The following LMO7 variants were observed in gnomAD, a reference collection of about 807,000 sequenced individuals.
The protein encoded by LMO7 is LIM domain only protein 7.
In LMO7, 120 loss-of-function variants were observed where a neutral mutation model predicts 206.5. The observed-to-expected ratio is 0.58, with a 90% CI of 0.50 to 0.68. The LOEUF is 0.68. LMO7 is among the 30% of genes least tolerant of loss of function. LMO7 has a pLI of 0.00. For missense variants in LMO7, 1,959 were observed against 1,957.9 expected, an observed-to-expected ratio of 1.00 and a Z score of -0.01; for synonymous variants, 706 against 681.5, an observed-to-expected ratio of 1.04 and a Z score of -0.56.
At chr13:75,857,658 T>C (rs2061075118) in intron 30 of LMO7, 1 of 299,580 alleles carries the variant, frequency 3.3e-6, no homozygotes, top group East Asian at 5.5e-5. Flanking sequence ...CCATGCCTTT[T>C]CTCTCCTCCA....
intron 15 of LMO7, among the ~76,000 whole-genome samples, chr13:75,830,695 G>C (rs1163173394): frequency 6.6e-6 from 1 of 152,096 alleles, no homozygotes; most frequent in Non-Finnish European, 1.5e-5. Context: ...TATTTCTGAG[G>C]TAAGTACAGT....
intron 3 of LMO7, among the ~76,000 whole-genome samples, chr13:75,732,742 A>G (rs1337678831): frequency 6.6e-6 from 1 of 151,702 alleles, no homozygotes; most frequent in Non-Finnish European, 1.5e-5. Context: ...TTTTTTCCCC[A>G]TCTTTGTGGT....
At chr13:75,622,524 C>G (rs148456218) in intron 1 of LMO7, among the ~76,000 whole-genome samples, 1 of 152,242 alleles carries the variant, frequency 6.6e-6, no homozygotes, top group East Asian at 1.9e-4. Flanking sequence ...TAAGTACTAC[C>G]TTCATAATTA....
chr13:75,838,300 C>G (rs2059297495), intron 20 of LMO7, 104 bp downstream of exon 20: 1 of 1,547,264 alleles, frequency 6.5e-7, no homozygotes, highest in Non-Finnish European at 8.8e-7. Context: ...TTCAATTTGT[C>G]TGTCATTATG....
At chr13:75,689,152 A>G (rs1184981921) in intron 1 of LMO7, 7 of 152,166 alleles carry the variant, frequency 4.6e-5, no homozygotes, top group Admixed American at 4.6e-4. Flanking sequence ...TTCAGAATTC[A>G]TTACATCACT....
At position 75,760,356 on chromosome 13, in the gene LMO7, G is replaced by A. The variant is rs1021345706; in HGVS notation, c.211-576G>A. 9.1e-5 allele frequency: 92 copies of A among 1,006,464 alleles called. No homozygotes were observed. In the African/African-American group the frequency reaches 1.4e-3, roughly 15 times the overall value. 62.3% of individuals were successfully genotyped at this position (1,006,464 alleles called of 1,614,324 possible). A position where few individuals can be genotyped will look rare whatever the true frequency, so the allele number is the denominator to read the frequency against. On this transcript the variant is annotated intron_variant, in intron 3 of 30. Transcript: ENST00000377534. Reference sequence around the variant, plus strand: ...TATGCAATTTAGCCAATGAACACTAGGTTTCTCCTCAGTCCTATAGTATGG... The same window carrying A: ...TATGCAATTTAGCCAATGAACACTAAGTTTCTCCTCAGTCCTATAGTATGG...
chr13:75,709,067 G>T lies in LMO7; in HGVS notation c.70-4115G>T, dbSNP rs542022991. ...GCGGTGTTTGGTTTTTTGTCCTTGC[G>T]ATAGTTTGCTGAGAATGATGGTTTC... On this transcript the variant is annotated intron_variant, in intron 1 of 30. Coordinates refer to ENST00000377534, the MANE Select transcript of LMO7 (RefSeq NM_001306080.2). Among the ~76,000 whole-genome samples, 104 of 152,102 alleles carry T rather than the reference G, an allele frequency of 6.8e-4. 3 individuals are homozygous for T. Among genetic ancestry groups the T allele is most frequent in the South Asian group, 8.3e-4 (4 of 4,820 alleles).
chr13:75,636,758 G>C, intron 1 of LMO7, 32 bp downstream of exon 1: 1 of 1,584,382 alleles, frequency 6.3e-7, no homozygotes. Flanking sequence ...CCCTTCCGCA[G>C]GTGTTGACTG....
chr13:75,834,477 A>C, intron 17 of LMO7, 90 bp downstream of exon 17: 1 of 988,704 alleles, frequency 1.0e-6, no homozygotes, highest in South Asian at 2.1e-5. Context: ...ATAACTTTTT[A>C]TTTTTTCACT....
chr13:75,692,534 C>T (rs969604883), intron 1 of LMO7, among the ~76,000 whole-genome samples: 3 of 152,148 alleles, frequency 2.0e-5, no homozygotes, highest in African/African-American at 7.2e-5. Context: ...CACAGGCGCA[C>T]ACCACCATGC....
intron 12 of LMO7, 127 bp from the exon 13 acceptor site, chr13:75,819,266 G>A (rs1566537370): frequency 1.7e-6 from 2 of 1,157,578 alleles, no homozygotes; most frequent in Admixed American, 2.8e-5. Context: ...GCAAAATTAG[G>A]GCACCTTGGC....
intron 1 of LMO7, among the ~76,000 whole-genome samples, chr13:75,711,828 T>C (rs2043153428): frequency 6.6e-6 from 1 of 152,216 alleles, no homozygotes; most frequent in Non-Finnish European, 1.5e-5. Context: ...TGTTTTTTCT[T>C]TCGGTAAATT....
At position 75,639,016 on chromosome 13, in the gene LMO7, A is replaced by G. The variant is rs573295860; in HGVS notation, c.69+2290A>G. Among the ~76,000 whole-genome samples the G allele has an allele frequency of 5.9e-5, 9 of 152,246 alleles. No individual in the cohort carries two copies. In the South Asian group the frequency reaches 1.7e-3, roughly 28 times the overall value. On this transcript the variant is annotated intron_variant, in intron 1 of 30. Coordinates refer to ENST00000377534, the MANE Select transcript of LMO7 (RefSeq NM_001306080.2). ...TGTACATATATACATATGTATTATA[A>G]TATATGTTCTATCTGTATTACATAT...
chr13:75,794,807 T>C (rs1241555342), intron 4 of LMO7, among the ~76,000 whole-genome samples: 1 of 152,196 alleles, frequency 6.6e-6, no homozygotes, highest in Non-Finnish European at 1.5e-5. Context: ...ATGATTCTTA[T>C]AATACAGTGA....
At chr13:75,789,668 G>T (rs147474178) in intron 4 of LMO7, among the ~76,000 whole-genome samples, 2 of 152,126 alleles carry the variant, frequency 1.3e-5, no homozygotes, top group African/African-American at 2.4e-5. Context: ...GGGCCCACAC[G>T]CAGACTCCTT....
chr13:75,808,957 T>C (rs1045758147), intron 10 of LMO7, among the ~76,000 whole-genome samples, 197 bp from the exon 11 acceptor site: 4 of 152,206 alleles, frequency 2.6e-5, no homozygotes, highest in African/African-American at 9.6e-5. Flanking sequence ...AGGAAATTCT[T>C]CATTTTGCTT....
chr13:75,738,126 G>A (rs1326970666), intron 3 of LMO7, among the ~76,000 whole-genome samples: 1 of 152,128 alleles, frequency 6.6e-6, no homozygotes, highest in Non-Finnish European at 1.5e-5. Context: ...TACTGTGAAG[G>A]AGGTTTGTGT....
intron 1 of LMO7, 104 bp from the exon 2 acceptor site, chr13:75,713,078 C>A: frequency 2.8e-6 from 2 of 716,136 alleles, no homozygotes; most frequent in African/African-American, 1.8e-5. Context: ...ATATGCAAAT[C>A]CTTCAAGTAT....
chr13:75,847,585 T>C (rs1307485320), intron 26 of LMO7, among the ~76,000 whole-genome samples: 2 of 152,200 alleles, frequency 1.3e-5, no homozygotes, highest in Non-Finnish European at 2.9e-5. Flanking sequence ...ATGTCCTCTC[T>C]CCCCAGGGAG....
Sources: gnomAD v4.1 joint callset for allele counts (sites outside exome capture counted in the v4.1 genomes callset) on GRCh38, gnomAD v4.1.1 for gene constraint, MANE v1.5 for transcripts, NCBI Gene and HGNC (gene_info 2026-07-23, HGNC 2026-07-21) for gene names.